EFHD2: variants seen among roughly 807,000 people sequenced by gnomAD.
The protein encoded by EFHD2 is EF-hand domain family member D2.
EFHD2 carries 12 observed loss-of-function variants against 20.3 expected under a neutral mutation model. The ratio of observed to expected loss-of-function variants is 0.59; its 90% confidence interval spans 0.38 to 0.96. The LOEUF (loss-of-function observed/expected upper bound fraction) is 0.96. Ranked by LOEUF, EFHD2 falls within the 40% of genes least tolerant of loss-of-function variation. The pLI is 0.00. For missense variants in EFHD2, 250 were observed against 334.3 expected (o/e 0.75, Z 1.97); for synonymous variants, 131 against 143.9 (o/e 0.91, Z 0.64).
chr1:15,428,887 C>A lies in EFHD2; in HGVS notation c.*163C>A. ...GTTCAGGGGTCTTATGGAGGTGGCCCGGCCCCTCCCCGCTCCCTTCCACTC... is the reference window on the plus strand; with the variant it reads ...GTTCAGGGGTCTTATGGAGGTGGCCAGGCCCCTCCCCGCTCCCTTCCACTC... On this transcript the variant is annotated 3_prime_UTR_variant, in exon 4 of 4. Coordinates refer to ENST00000375980, the MANE Select transcript of EFHD2 (RefSeq NM_024329.6). The A allele has an allele frequency of 1.9e-6, 2 of 1,073,202 alleles. No individual in the cohort carries two copies. The highest frequency in any genetic ancestry group is 2.7e-6 in the Non-Finnish European group (2 of 752,718). The allele number at this position is 1,073,202 out of a possible 1,614,324, so 66.5% of individuals were successfully genotyped here.
At chr1:15,422,719 A>T (rs140488778) in intron 1 of EFHD2, among the ~76,000 whole-genome samples, 3,197 of 152,012 alleles carry the variant, frequency 0.021, 110 homozygotes, top group African/African-American at 0.07. Flanking sequence ...AAATTAGCCG[A>T]GCGTGGTGGC....
intron 1 of EFHD2, among the ~76,000 whole-genome samples, chr1:15,423,318 G>C (rs1480996238): frequency 6.6e-6 from 1 of 152,154 alleles, no homozygotes; most frequent in Non-Finnish European, 1.5e-5. Context: ...GGCAGAAGCC[G>C]CAGGACCCTG....
intron 1 of EFHD2, among the ~76,000 whole-genome samples, chr1:15,422,312 T>TGATCTC (rs1459615230): frequency 6.6e-6 from 1 of 151,600 alleles, no homozygotes; most frequent in South Asian, 2.1e-4. Flanking sequence ...AGGATGGTCT[T>TGATCTC]GATCTCCTGA....
Position 15,426,794 on chromosome 1 carries a change from TCATGA to T in EFHD2, c.457-353_457-349del, listed in dbSNP as rs1376612767. ...CTGTCATGGAGGCTCCCTCATTCTG[TCATGA>T]CACCTGTAGGACTCAATACATGGAA... On this transcript the variant is annotated intron_variant, in intron 2 of 3. Coordinates refer to ENST00000375980, the MANE Select transcript of EFHD2 (RefSeq NM_024329.6). This position sits in a 1 kb window ranked among gnomAD's most constrained non-coding sequence, Gnocchi z 4.6. Among the ~76,000 whole-genome samples the T allele has an allele frequency of 6.6e-6, 1 of 152,128 alleles. No individual in the cohort carries two copies. Among genetic ancestry groups the T allele is most frequent in the Non-Finnish European group, 1.5e-5 (1 of 68,006 alleles).
intron 3 of EFHD2, 90 bp from the exon 4 acceptor site, chr1:15,428,503 A>C: frequency 6.9e-7 from 1 of 1,458,016 alleles, no homozygotes; most frequent in Non-Finnish European, 9.1e-7. Flanking sequence ...TCTCAGAAAA[A>C]TTAAAGAAAA....
intron 1 of EFHD2, among the ~76,000 whole-genome samples, chr1:15,411,707 C>A (rs1244861972): frequency 6.6e-6 from 1 of 152,140 alleles, no homozygotes; most frequent in South Asian, 2.1e-4. Flanking sequence ...GAGGTCTAGC[C>A]CCACCTGGCA....
chr1:15,418,462 C>A (rs1405403298), intron 1 of EFHD2, among the ~76,000 whole-genome samples: 18 of 151,528 alleles, frequency 1.2e-4, no homozygotes, highest in Non-Finnish European at 2.2e-4. Flanking sequence ...CCCACCATCA[C>A]GCCCGGCTAA....
At chr1:15,422,991 G>C (rs1707819199) in intron 1 of EFHD2, among the ~76,000 whole-genome samples, 1 of 152,200 alleles carries the variant, frequency 6.6e-6, no homozygotes, top group Admixed American at 6.5e-5. Context: ...TTGCTTTCCT[G>C]GGGGGCACTG....
At chr1:15,428,266 G>A (rs1279244362) in intron 3 of EFHD2, among the ~76,000 whole-genome samples, 1 of 152,180 alleles carries the variant, frequency 6.6e-6, no homozygotes, top group Non-Finnish European at 1.5e-5. Flanking sequence ...GCTGAGGCGG[G>A]TGGATCACCT....
chr1:15,418,522 G>A (rs375330049), intron 1 of EFHD2, among the ~76,000 whole-genome samples: 68 of 149,622 alleles, frequency 4.5e-4, no homozygotes, highest in South Asian at 3.0e-3. Context: ...AGCCAGGATG[G>A]TCTCAATCTC....
chr1:15,415,257 C>G (rs1026806250), intron 1 of EFHD2, among the ~76,000 whole-genome samples: 8 of 152,166 alleles, frequency 5.3e-5, no homozygotes, highest in African/African-American at 1.9e-4. Flanking sequence ...ATTGCACCCA[C>G]AAGGCTAGCA....
rs1707872174 is a variant in EFHD2, at chr1:15,426,338, G to T, written c.456+320G>T. Among the ~76,000 whole-genome samples, 1 of 152,162 alleles carries T rather than the reference G, an allele frequency of 6.6e-6. No homozygotes were observed. Among genetic ancestry groups the T allele is most frequent in the Non-Finnish European group, 1.5e-5 (1 of 68,034 alleles). Reference sequence around the variant, plus strand: ...GTAGAGAAAGGCCCTGTGCTCGAAGGTTCCTGGAAGTGTAGAGGGGGAGAC... The same window carrying T: ...GTAGAGAAAGGCCCTGTGCTCGAAGTTTCCTGGAAGTGTAGAGGGGGAGAC... On this transcript the variant is annotated intron_variant, in intron 2 of 3. Transcript: ENST00000375980. This position sits in a 1 kb window ranked among gnomAD's most constrained non-coding sequence, Gnocchi z 4.6.
rs1707949304 is a variant in EFHD2, at chr1:15,430,316, G to A, written c.*1592G>A. 1.3e-5 allele frequency: 2 copies of A among 148,400 alleles called. No homozygotes were observed. The highest frequency in any genetic ancestry group is 2.1e-4 in the South Asian group (1 of 4,738). The allele number at this position is 148,400 out of a possible 1,614,324, so 9.2% of individuals were successfully genotyped here. On this transcript the variant is annotated 3_prime_UTR_variant, in exon 4 of 4. Coordinates refer to ENST00000375980, the MANE Select transcript of EFHD2 (RefSeq NM_024329.6). ...GGTACGATTATTTTTTTTAACTAAA[G>A]GAAGATAAAATTCTATATTCTTATG...
chr1:15,428,606 A>G lies in EFHD2; in HGVS notation c.605A>G (p.Asn202Ser), dbSNP rs372568284. The G allele has an allele frequency of 4.3e-6, 7 of 1,611,156 alleles. No individual in the cohort carries two copies. Among genetic ancestry groups the G allele is most frequent in the Admixed American group, 1.7e-5 (1 of 59,784 alleles). The change falls in exon 4 of 4, where the codon AAC (asparagine) becomes AGC (serine). Residue 202 changes from asparagine (N) to serine (S), a missense_variant. Coordinates refer to ENST00000375980, the MANE Select transcript of EFHD2 (RefSeq NM_024329.6). ...ATGCCCCCGCAGGTCCAGGCCATCA[A>G]CGTGTCCAGCCGCTTCGAGGAGGAG... ...SFFEAKVQAI[N>S]VSSRFEEEIK...
At chr1:15,420,027 T>A (rs1372639749) in intron 1 of EFHD2, among the ~76,000 whole-genome samples, 1 of 152,030 alleles carries the variant, frequency 6.6e-6, no homozygotes, top group South Asian at 2.1e-4. Context: ...AGAGGAGAGG[T>A]CATGCTGGAG....
intron 1 of EFHD2, among the ~76,000 whole-genome samples, chr1:15,422,392 G>A (rs1707807529): frequency 6.6e-6 from 1 of 151,878 alleles, no homozygotes; most frequent in African/African-American, 2.4e-5. Flanking sequence ...TGCCCAGCTG[G>A]CCAGGTCATT....
intron 1 of EFHD2, among the ~76,000 whole-genome samples, chr1:15,419,773 G>C (rs985084925): frequency 1.3e-5 from 2 of 152,190 alleles, no homozygotes; most frequent in Non-Finnish European, 2.9e-5. Flanking sequence ...TCTAGCCCAG[G>C]AGATGCCTGT....
intron 1 of EFHD2, among the ~76,000 whole-genome samples, chr1:15,420,125 T>G (rs374807636): frequency 3.3e-5 from 5 of 152,346 alleles, no homozygotes; most frequent in African/African-American, 9.6e-5. Flanking sequence ...CAGTCAGGAC[T>G]GGAGCCTGTG....
At chr1:15,428,512 A>G (rs893449887) in intron 3 of EFHD2, 81 bp from the exon 4 acceptor site, 2 of 1,486,722 alleles carry the variant, frequency 1.3e-6, no homozygotes, top group Non-Finnish European at 1.8e-6. Flanking sequence ...AATTAAAGAA[A>G]AAAGAAAAAG....
Sources: gnomAD v4.1 joint callset for allele counts (sites outside exome capture counted in the v4.1 genomes callset) on GRCh38, gnomAD v4.1.1 for gene constraint, Gnocchi (gnomAD v3.1) non-coding constraint, MANE v1.5 for transcripts, NCBI Gene and HGNC (gene_info 2026-07-23, HGNC 2026-07-21) for gene names.